DIS3L2: variants seen among roughly 807,000 people sequenced by gnomAD.
DIS3L2 encodes DIS3 like 3'-5' exoribonuclease 2.
In DIS3L2, 34 loss-of-function variants were observed where a neutral mutation model predicts 97.5. The observed-to-expected ratio is 0.35, with a 90% CI of 0.27 to 0.46. DIS3L2 has a LOEUF of 0.46. Among genes scored for constraint, DIS3L2 ranks in the 20% least tolerant of loss-of-function variants. The pLI is 1.00. For missense variants in DIS3L2, 1,038 were observed against 1,146.0 expected (o/e 0.91, Z 1.36); for synonymous variants, 435 against 445.2 (o/e 0.98, Z 0.29).
At chr2:232,261,682 A>G (rs1161071794) in intron 12 of DIS3L2, among the ~76,000 whole-genome samples, 1 of 152,112 alleles carries the variant, frequency 6.6e-6, no homozygotes, top group Non-Finnish European at 1.5e-5. Flanking sequence ...ATATTTTCCT[A>G]AAATAGCCTT....
intron 1 of DIS3L2, among the ~76,000 whole-genome samples, chr2:232,003,567 G>C (rs1482552924): frequency 6.6e-6 from 1 of 152,106 alleles, no homozygotes; most frequent in Non-Finnish European, 1.5e-5. Context: ...TGAAAATCCA[G>C]TTTTGCTCTG....
At chr2:232,042,773 G>T (rs543616006) in intron 5 of DIS3L2, among the ~76,000 whole-genome samples, 10 of 152,130 alleles carry the variant, frequency 6.6e-5, no homozygotes, top group African/African-American at 9.7e-5. Context: ...AATATTTCAG[G>T]GTTATTTTCT....
chr2:232,234,338 G>A (rs1349954851), intron 10 of DIS3L2, among the ~76,000 whole-genome samples: 20 of 152,188 alleles, frequency 1.3e-4, no homozygotes, highest in Admixed American at 1.2e-3. Context: ...CCTGCTATCT[G>A]TATTATTATT....
At chr2:232,321,608 G>GCAGTGAC (rs1695434384) in intron 14 of DIS3L2, among the ~76,000 whole-genome samples, 3 of 152,124 alleles carry the variant, frequency 2.0e-5, no homozygotes, top group African/African-American at 7.2e-5. Context: ...GGCGCCTTCG[G>GCAGTGAC]CAGTGACGCG....
At chr2:232,135,666 C>T (rs997692760) in intron 7 of DIS3L2, among the ~76,000 whole-genome samples, 32 of 151,976 alleles carry the variant, frequency 2.1e-4, no homozygotes, top group African/African-American at 7.2e-4. Context: ...AGGTGTGGTG[C>T]ACTCAATTGG....
chr2:232,059,211 C>G (rs1011155000), intron 5 of DIS3L2, among the ~76,000 whole-genome samples: 1 of 152,140 alleles, frequency 6.6e-6, no homozygotes, highest in Non-Finnish European at 1.5e-5. Flanking sequence ...GGTTATATGG[C>G]AGAACCAGCT....
At chr2:232,338,696 G>C (rs190826063), downstream of DIS3L2, among the ~76,000 whole-genome samples, 10 of 151,826 alleles carry the variant, frequency 6.6e-5, no homozygotes, top group Non-Finnish European at 1.2e-4. Context: ...ACCGAGCCCC[G>C]CGTCTGCATT....
At chr2:232,247,479 T>G (rs2106262192) in intron 11 of DIS3L2, among the ~76,000 whole-genome samples, 1 of 152,096 alleles carries the variant, frequency 6.6e-6, no homozygotes, top group South Asian at 2.1e-4. Context: ...TTGTGTCTCT[T>G]TCTTGTCTTA....
At chr2:232,275,807 C>T (rs1694124490) in intron 13 of DIS3L2, among the ~76,000 whole-genome samples, 1 of 152,130 alleles carries the variant, frequency 6.6e-6, no homozygotes, top group Admixed American at 6.5e-5. Flanking sequence ...CTCAGAGTGG[C>T]TTACTGTCTC....
Position 232,176,790 on chromosome 2 carries a change from TTA to T in DIS3L2, c.1124+13159_1124+13160del, listed in dbSNP as rs1227012463. 3.3e-4 allele frequency among the ~76,000 whole-genome samples: 49 copies of T among 149,244 alleles called. 1 individual carries two copies. Among genetic ancestry groups the T allele is most frequent in the South Asian group, 2.3e-3 (11 of 4,792 alleles). ...ATTTTTTAATTAATTAATTAATTAA[TTA>T]ATTTATTATTATTATTATTTTTTAA... On this transcript the variant is annotated intron_variant, in intron 9 of 20. Transcript: ENST00000325385.
At chr2:232,334,811 T>C in intron 19 of DIS3L2, 76 bp downstream of exon 19, 1 of 1,304,886 alleles carries the variant, frequency 7.7e-7, no homozygotes, top group Non-Finnish European at 1.1e-6. Flanking sequence ...CAGGCTGTGA[T>C]GGGTCACACT....
At chr2:232,105,929 G>A (rs1278151619) in intron 6 of DIS3L2, among the ~76,000 whole-genome samples, 4 of 152,110 alleles carry the variant, frequency 2.6e-5, no homozygotes, top group African/African-American at 9.7e-5. Flanking sequence ...TCTCTTGCTT[G>A]CTCTGCAGTT....
chr2:232,169,407 A>C (rs1184624375), intron 9 of DIS3L2, among the ~76,000 whole-genome samples: 1 of 152,172 alleles, frequency 6.6e-6, no homozygotes, highest in Non-Finnish European at 1.5e-5. Context: ...AAGACAACCA[A>C]GGGCCAGCCC....
intron 14 of DIS3L2, among the ~76,000 whole-genome samples, chr2:232,327,848 G>T (rs1695620126): frequency 6.6e-6 from 1 of 152,228 alleles, no homozygotes; most frequent in Admixed American, 6.5e-5. Flanking sequence ...CAATGCATCA[G>T]GCAGAGGGCC....
intron 1 of DIS3L2, among the ~76,000 whole-genome samples, chr2:231,993,693 T>C (rs1282528027): frequency 6.6e-6 from 1 of 151,894 alleles, no homozygotes; most frequent in African/African-American, 2.4e-5. Flanking sequence ...ATAATTAATA[T>C]ACATTTAAGT....
At chr2:232,045,331 G>A (rs977873233) in intron 5 of DIS3L2, among the ~76,000 whole-genome samples, 1 of 152,104 alleles carries the variant, frequency 6.6e-6, no homozygotes, top group African/African-American at 2.4e-5. Flanking sequence ...TTTCTTACTG[G>A]GCACTGACAA....
chr2:231,969,770 G>T (rs774486413), intron 1 of DIS3L2, among the ~76,000 whole-genome samples: 3 of 152,132 alleles, frequency 2.0e-5, no homozygotes, highest in Non-Finnish European at 4.4e-5. Flanking sequence ...GGTGAGAGCA[G>T]ATTACTTGTC....
At position 232,122,105 on chromosome 2, in the gene DIS3L2, A is replaced by G. The variant is rs565373017; in HGVS notation, c.602-8514A>G. Among the ~76,000 whole-genome samples, 31 of 152,224 alleles carry G rather than the reference A, an allele frequency of 2.0e-4. 1 individual carries two copies. Among genetic ancestry groups the G allele is most frequent in the Admixed American group, 2.0e-3 (30 of 15,286 alleles). On this transcript the variant is annotated intron_variant, in intron 6 of 20. Transcript: ENST00000325385. ...TCCCCATTGCCTTTGTGATAATCCA[A>G]ACTCTGTAATGTTTAACTGGCCTCT...
At chr2:231,978,647 A>C (rs1693163749) in intron 1 of DIS3L2, 1 of 152,218 alleles carries the variant, frequency 6.6e-6, no homozygotes, top group Non-Finnish European at 1.5e-5. Flanking sequence ...CATGCACTCC[A>C]CCATCCTCAC....
Sources: allele counts gnomAD v4.1 joint callset (sites outside exome capture counted in the v4.1 genomes callset), GRCh38; gene constraint gnomAD v4.1.1; transcripts MANE v1.5; gene names NCBI Gene and HGNC (gene_info 2026-07-23, HGNC 2026-07-21).